Variants in CCDC92 observed in about 807,000 individuals in gnomAD.
CCDC92 encodes coiled-coil domain-containing protein 92.
Under a neutral mutation model 24.9 loss-of-function variants are expected in CCDC92, and 12 were observed. The observed-to-expected ratio is 0.48, with a 90% CI of 0.31 to 0.78. CCDC92 has a LOEUF of 0.78. Among genes scored for constraint, CCDC92 ranks in the 30% least tolerant of loss-of-function variants. The pLI is 0.05. For synonymous variants in CCDC92, 193 were observed against 196.3 expected, an observed-to-expected ratio of 0.98 and a Z score of 0.14; for missense variants, 399 against 439.4, an observed-to-expected ratio of 0.91 and a Z score of 0.82.
intron 1 of CCDC92, chr12:123,956,225 C>T (rs1227482047): frequency 6.6e-6 from 1 of 152,196 alleles, no homozygotes; most frequent in African/African-American, 2.4e-5. Flanking sequence ...TTTGGAATAA[C>T]ACAGCCTAAG....
intron 1 of CCDC92, among the ~76,000 whole-genome samples, chr12:123,954,277 T>C (rs1202326686): frequency 1.3e-5 from 2 of 152,156 alleles, no homozygotes; most frequent in Non-Finnish European, 2.9e-5. Context: ...ATGCAGAAAA[T>C]GACAATGATG....
chr12:123,944,347 G>T lies in CCDC92; in HGVS notation c.-42C>A. ...GCTACCAGAGTAATTCAAGACGCTT[G>T]TACAGCACTGAAAAATACTGAGGAT... On this transcript the variant is annotated 5_prime_UTR_variant, in exon 2 of 5. Coordinates refer to ENST00000238156, the MANE Select transcript of CCDC92 (RefSeq NM_025140.3). 1 of 1,505,004 alleles carries T rather than the reference G, an allele frequency of 6.6e-7. No individual in the cohort carries two copies. Among genetic ancestry groups the T allele is most frequent in the Non-Finnish European group, 8.9e-7 (1 of 1,125,626 alleles). The allele number at this position is 1,505,004 out of a possible 1,614,324, so 93.2% of individuals were successfully genotyped here. A position where few individuals can be genotyped will look rare whatever the true frequency, so the allele number is the denominator to read the frequency against.
chr12:123,964,818 T>A (rs1956353648), intron 1 of CCDC92, among the ~76,000 whole-genome samples: 8 of 152,254 alleles, frequency 5.3e-5, no homozygotes, highest in Admixed American at 5.2e-4. Flanking sequence ...TCTACTTCCA[T>A]TAGCTGAATA....
At chr12:123,943,231 G>T in intron 3 of CCDC92, 116 bp downstream of exon 3, 1 of 1,109,166 alleles carries the variant, frequency 9.0e-7, no homozygotes, top group Non-Finnish European at 1.3e-6. Context: ...CATTCAGATG[G>T]ACTCCTGCAA....
Position 123,970,670 on chromosome 12 carries a change from C to T in CCDC92, c.-60+1859G>A, listed in dbSNP as rs148341424. ...TCACCTAGTCACTGCCCTTGAAGGA[C>T]ATGGAATTCAGTAAATTCAGTAGAT... is the stretch of plus-strand genomic sequence containing the variant. On this transcript the variant is annotated intron_variant, in intron 1 of 4. Coordinates refer to ENST00000238156, the MANE Select transcript of CCDC92 (RefSeq NM_025140.3). Among the ~76,000 whole-genome samples the T allele has an allele frequency of 7.9e-5, 12 of 152,324 alleles. No individual in the cohort carries two copies. In the East Asian group the frequency reaches 2.3e-3, roughly 29 times the overall value.
intron 1 of CCDC92, among the ~76,000 whole-genome samples, chr12:123,955,986 C>A (rs1275483734): frequency 6.6e-6 from 1 of 152,184 alleles, no homozygotes; most frequent in Non-Finnish European, 1.5e-5. Flanking sequence ...ATGCATCAAG[C>A]AAAAGCAAGC....
At chr12:123,965,508 T>G (rs1205259061) in intron 1 of CCDC92, among the ~76,000 whole-genome samples, 1 of 152,094 alleles carries the variant, frequency 6.6e-6, no homozygotes, top group Non-Finnish European at 1.5e-5. Context: ...TGGAGGAGCT[T>G]ACATTTCTCA....
At chr12:123,942,139 C>T (rs1392563228) in intron 4 of CCDC92, among the ~76,000 whole-genome samples, 1 of 152,226 alleles carries the variant, frequency 6.6e-6, no homozygotes, top group African/African-American at 2.4e-5. Flanking sequence ...ACAGAGGGCC[C>T]TGGGAAGGCC....
At chr12:123,951,108 T>C (rs1490162624) in intron 1 of CCDC92, among the ~76,000 whole-genome samples, 1 of 152,186 alleles carries the variant, frequency 6.6e-6, no homozygotes, top group Admixed American at 6.5e-5. Flanking sequence ...TGCCCCCGCC[T>C]CATTAACTTC....
intron 1 of CCDC92, among the ~76,000 whole-genome samples, chr12:123,958,025 G>T (rs1186074495): frequency 2.6e-5 from 4 of 151,584 alleles, no homozygotes; most frequent in Admixed American, 1.3e-4. Flanking sequence ...AAACAATCAT[G>T]CAAGGTAGGT....
intron 1 of CCDC92, among the ~76,000 whole-genome samples, chr12:123,947,847 G>T (rs988105422): frequency 5.3e-5 from 8 of 152,122 alleles, no homozygotes; most frequent in Admixed American, 5.2e-4. Context: ...TTCGCTCTTT[G>T]CAATAAATCT....
At chr12:123,946,025 C>CCCCGCCATCCATGTCCAGTCCATGA in intron 1 of CCDC92, 1 of 153,496 alleles carries the variant, frequency 6.5e-6, no homozygotes, top group Non-Finnish European at 1.4e-5. Flanking sequence ...TGCTGGCATC[C>CCCCGCCATCCATGTCCAGTCCATGA]TGCTTTGAAA....
intron 1 of CCDC92, among the ~76,000 whole-genome samples, chr12:123,955,899 C>T (rs369749169): frequency 6.3e-4 from 96 of 152,276 alleles, no homozygotes; most frequent in Non-Finnish European, 1.1e-3. Flanking sequence ...TATAAAGAGA[C>T]GTTATCCTTG....
chr12:123,936,823 A>G lies in CCDC92; in HGVS notation c.*235T>C. ...CTTAGGTTACACGGAGCGGGATCAG[A>G]AGCAAGCGATTCGGCACACAGGCGT... On this transcript the variant is annotated 3_prime_UTR_variant, in exon 5 of 5. Transcript: ENST00000238156. 1 of 605,428 alleles carries G rather than the reference A, an allele frequency of 1.7e-6. No individual in the cohort carries two copies. The highest frequency in any genetic ancestry group is 2.9e-6 in the Non-Finnish European group (1 of 344,232). The allele number at this position is 605,428 out of a possible 1,614,324, so 37.5% of individuals were successfully genotyped here.
At chr12:123,957,992 C>G (rs552897120) in intron 1 of CCDC92, among the ~76,000 whole-genome samples, 1 of 152,196 alleles carries the variant, frequency 6.6e-6, no homozygotes, top group East Asian at 1.9e-4. Flanking sequence ...AACCACCACT[C>G]TCGGCCTATT....
chr12:123,950,862 G>A (rs1956007982), intron 1 of CCDC92, among the ~76,000 whole-genome samples: 1 of 152,200 alleles, frequency 6.6e-6, no homozygotes, highest in Non-Finnish European at 1.5e-5. Flanking sequence ...TCATGGTCAA[G>A]CACATTTCTG....
rs1380430480 is a variant in CCDC92 at position 123,938,151 on chromosome 12, G to A, written c.224-321C>T. On this transcript the variant is annotated intron_variant, in intron 4 of 4. Transcript: ENST00000238156. ...GCAAACACTTAGGATTCAACTGGCC[G>A]CAAATCCCTCTGTCTGCTCAGATGG... 2.6e-5 allele frequency among the ~76,000 whole-genome samples: 4 copies of A among 152,230 alleles called. No individual in the cohort carries two copies. The East Asian group carries it at 7.7e-4, about 29-fold the overall frequency.
chr12:123,957,602 C>G (rs1956176600), intron 1 of CCDC92, among the ~76,000 whole-genome samples: 1 of 151,752 alleles, frequency 6.6e-6, no homozygotes, highest in Non-Finnish European at 1.5e-5. Flanking sequence ...TAATGAGAAG[C>G]TGAAAATCAT....
At chr12:123,943,736 G>A (rs561242188) in intron 2 of CCDC92, 13 of 564,838 alleles carry the variant, frequency 2.3e-5, no homozygotes, top group East Asian at 1.1e-4. Flanking sequence ...CACCTAGCAC[G>A]ATGCCTGGCA....
Sources: allele counts gnomAD v4.1 joint callset (sites outside exome capture counted in the v4.1 genomes callset), GRCh38; gene constraint gnomAD v4.1.1; transcripts MANE v1.5; gene names NCBI Gene and HGNC (gene_info 2026-07-23, HGNC 2026-07-21).